The following SYT17 variants were observed in gnomAD, a reference collection of about 807,000 sequenced individuals.
The protein encoded by SYT17 is synaptotagmin-17.
Under a neutral mutation model 46.7 loss-of-function variants are expected in SYT17, and 22 were observed. That is an observed-to-expected ratio of 0.47 (90% confidence interval 0.34 to 0.67). The LOEUF is 0.67. Among genes scored for constraint, SYT17 ranks in the 30% least tolerant of loss-of-function variants. The pLI, the probability that SYT17 is intolerant of heterozygous loss-of-function variation, is 0.01. For missense variants in SYT17, 519 were observed against 612.8 expected, an observed-to-expected ratio of 0.85 and a Z score of 1.62; for synonymous variants, 251 against 248.4, an observed-to-expected ratio of 1.01 and a Z score of -0.10.
intron 7 of SYT17, among the ~76,000 whole-genome samples, chr16:19,233,658 A>G (rs1036112774): frequency 6.6e-6 from 1 of 152,008 alleles, no homozygotes; most frequent in African/African-American, 2.4e-5. Flanking sequence ...TCTGTCTCAA[A>G]AAATAAAATT....
chr16:19,226,748 G>A (rs1966511075), intron 7 of SYT17, among the ~76,000 whole-genome samples: 2 of 152,182 alleles, frequency 1.3e-5, no homozygotes, highest in African/African-American at 4.8e-5. Flanking sequence ...CCAAGACACA[G>A]ATAAAAAATG....
At chr16:19,220,303 C>CTTTCTTTCT in intron 5 of SYT17, among the ~76,000 whole-genome samples, 1 of 80,498 alleles carries the variant, frequency 1.2e-5, no homozygotes, top group Admixed American at 1.7e-4. Flanking sequence ...TTCTTTCTTT[C>CTTTCTTTCT]TTTTTTTTTT....
chr16:19,203,430 A>G (rs1201081196), intron 5 of SYT17, among the ~76,000 whole-genome samples: 1 of 152,120 alleles, frequency 6.6e-6, no homozygotes, highest in Admixed American at 6.5e-5. Flanking sequence ...CTGCACCATC[A>G]TCGAAGGGCC....
Position 19,184,852 on chromosome 16 carries a change from A to G in SYT17, c.951+705A>G, listed in dbSNP as rs187283319. The stretch of plus-strand genomic sequence containing the variant: ...GGGGAAAAAGTGAAGGCTGGAAAAC[A>G]GGATGATGCATGGATGTTTTTCAGG... On this transcript the variant is annotated intron_variant, in intron 5 of 7. Transcript: ENST00000355377. Among the ~76,000 whole-genome samples, 7 of 152,336 alleles carry G rather than the reference A, an allele frequency of 4.6e-5. No homozygotes were observed. The East Asian group carries it at 1.3e-3, about 29-fold the overall frequency.
chr16:19,236,714 G>A (rs1217413538), intron 7 of SYT17, among the ~76,000 whole-genome samples: 2 of 152,126 alleles, frequency 1.3e-5, no homozygotes, highest in Non-Finnish European at 2.9e-5. Flanking sequence ...TCATCTGTCC[G>A]CCTTGTGAGT....
chr16:19,220,355 T>C (rs1489965897), intron 5 of SYT17, among the ~76,000 whole-genome samples: 1 of 134,326 alleles, frequency 7.4e-6, no homozygotes. Flanking sequence ...TGGGCTGCAG[T>C]GCAGTGGTGT....
intron 7 of SYT17, among the ~76,000 whole-genome samples, chr16:19,244,869 C>A (rs1006848524): frequency 2.6e-5 from 4 of 152,192 alleles, no homozygotes; most frequent in African/African-American, 4.8e-5. Context: ...ACTTCCAATT[C>A]TATTCATATT....
chr16:19,242,634 T>C (rs1025775115), intron 7 of SYT17, among the ~76,000 whole-genome samples: 2 of 152,146 alleles, frequency 1.3e-5, no homozygotes, highest in African/African-American at 4.8e-5. Context: ...CAAGTGATCC[T>C]CTCACCTCAG....
intron 6 of SYT17, among the ~76,000 whole-genome samples, chr16:19,224,167 T>C (rs1966420097): frequency 6.6e-6 from 1 of 152,196 alleles, no homozygotes; most frequent in Non-Finnish European, 1.5e-5. Context: ...ACTGAAATGA[T>C]AATGGGTTTC....
At chr16:19,203,818 T>C (rs1965560837) in intron 5 of SYT17, among the ~76,000 whole-genome samples, 1 of 152,246 alleles carries the variant, frequency 6.6e-6, no homozygotes, top group Non-Finnish European at 1.5e-5. Flanking sequence ...GTGGCAGGGA[T>C]ACCTGCCCTG....
intron 5 of SYT17, among the ~76,000 whole-genome samples, chr16:19,196,963 C>A (rs1965272016): frequency 6.6e-6 from 1 of 152,190 alleles, no homozygotes; most frequent in Non-Finnish European, 1.5e-5. Flanking sequence ...CCCAGCCTGC[C>A]TTGTCAGCTG....
chr16:19,227,606 C>T (rs1021801746), intron 7 of SYT17, among the ~76,000 whole-genome samples: 1 of 152,206 alleles, frequency 6.6e-6, no homozygotes, highest in African/African-American at 2.4e-5. Flanking sequence ...CATGAGCCAC[C>T]ACGCCTGGCC....
At chr16:19,260,883 T>C (rs1968928445) in intron 7 of SYT17, among the ~76,000 whole-genome samples, 1 of 152,220 alleles carries the variant, frequency 6.6e-6, no homozygotes, top group African/African-American at 2.4e-5. Context: ...CACAGGTTAT[T>C]CAAATACTGC....
intron 5 of SYT17, 136 bp downstream of exon 5, chr16:19,184,283 G>C: frequency 8.1e-7 from 1 of 1,239,932 alleles, no homozygotes; most frequent in East Asian, 2.6e-5. Context: ...ACTCACAAGA[G>C]GTTGCAAAAA....
rs529883453 is a variant in SYT17, at chr16:19,233,581, A to C, written c.1228+8743A>C. Among the ~76,000 whole-genome samples, 5 of 152,138 alleles carry C rather than the reference A, an allele frequency of 3.3e-5. No homozygotes were observed. The South Asian group carries it at 8.3e-4, about 25-fold the overall frequency. On this transcript the variant is annotated intron_variant, in intron 7 of 7. Coordinates refer to ENST00000355377, the MANE Select transcript of SYT17 (RefSeq NM_016524.4). ...TGAGGTGGGAGGATCACTTGAGTCC[A>C]GGAGGTCAAGGCTGCAGTGAGCTAG...
At chr16:19,242,183 T>G (rs1404772560) in intron 7 of SYT17, among the ~76,000 whole-genome samples, 1 of 152,172 alleles carries the variant, frequency 6.6e-6, no homozygotes, top group African/African-American at 2.4e-5. Flanking sequence ...AAAAAATCCA[T>G]CCTTTCATGA....
chr16:19,252,504 T>C lies in SYT17; in HGVS notation c.1229-14376T>C, dbSNP rs1428746177. Among the ~76,000 whole-genome samples, 3 of 44,604 alleles carry C rather than the reference T, an allele frequency of 6.7e-5. 1 individual carries two copies. Among genetic ancestry groups the C allele is most frequent in the Non-Finnish European group, 1.0e-4 (3 of 29,762 alleles). 29.3% of individuals were successfully genotyped at this position (44,604 alleles called of 152,430 possible). The stretch of plus-strand genomic sequence containing the variant: ...ATACATATATATATACATATATATA[T>C]ACATATATATATACATATATATATA... On this transcript the variant is annotated intron_variant, in intron 7 of 7. Transcript: ENST00000355377.
chr16:19,191,062 G>A lies in SYT17; in HGVS notation c.951+6915G>A, dbSNP rs149363470. On this transcript the variant is annotated intron_variant, in intron 5 of 7. Coordinates refer to ENST00000355377, the MANE Select transcript of SYT17 (RefSeq NM_016524.4). ...GGGCAGTGGAGAGATTAGATGCCCC[G>A]TGGCCATGCGGGAACCTTTCTGAGC... Among the ~76,000 whole-genome samples the A allele has an allele frequency of 5.3e-3, 809 of 152,096 alleles. 5 individuals are homozygous for A. Among genetic ancestry groups the A allele is most frequent in the Non-Finnish European group, 8.0e-3 (543 of 67,998 alleles).
At chr16:19,195,225 T>C (rs1021778161) in intron 5 of SYT17, among the ~76,000 whole-genome samples, 1 of 152,144 alleles carries the variant, frequency 6.6e-6, no homozygotes, top group Non-Finnish European at 1.5e-5. Flanking sequence ...CCCCATTTTA[T>C]AGATGAAGAA....
Sources: gnomAD v4.1 joint callset for allele counts (sites outside exome capture counted in the v4.1 genomes callset) on GRCh38, gnomAD v4.1.1 for gene constraint, MANE v1.5 for transcripts, NCBI Gene and HGNC (gene_info 2026-07-23, HGNC 2026-07-21) for gene names.